ABCA8: variants seen among roughly 807,000 people sequenced by gnomAD.
The protein encoded by ABCA8 is ABC-type organic anion transporter ABCA8.
In ABCA8, 177 loss-of-function variants were observed where a neutral mutation model predicts 192.3. That is an observed-to-expected ratio of 0.92 (90% CI 0.81 to 1.04). ABCA8 has a LOEUF of 1.04. Among genes scored for constraint, ABCA8 ranks in the 50% least tolerant of loss-of-function variants. The probability of loss-of-function intolerance (pLI) is 0.00; values close to 1 mark genes in which losing one functional copy is unlikely to be tolerated. For synonymous variants in ABCA8, 642 were observed against 690.2 expected, an observed-to-expected ratio of 0.93 and a Z score of 1.09; for missense variants, 1,915 against 1,904.8, an observed-to-expected ratio of 1.01 and a Z score of -0.10.
intron 13 of ABCA8, chr17:68,919,705 C>G (rs980824466): frequency 2.5e-5 from 9 of 359,386 alleles, no homozygotes; most frequent in Non-Finnish European, 3.5e-5. Flanking sequence ...GCCTATATAC[C>G]CTGTAGTATC....
rs2067223644 is a variant in ABCA8 at position 68,911,383 on chromosome 17, T to C, written c.2139-3504A>G. ...AGGAGAGGGAAGAGTGGGAAGACTTTGTCTTCTGGTTTGGGTGTCAGCTCA... is the reference window on the plus strand; with the variant it reads ...AGGAGAGGGAAGAGTGGGAAGACTTCGTCTTCTGGTTTGGGTGTCAGCTCA... On this transcript the variant is annotated intron_variant, in intron 17 of 39. Coordinates refer to ENST00000586539, the MANE Select transcript of ABCA8 (RefSeq NM_001288985.2). The surrounding 1 kb of genome is among the most constrained non-coding windows in gnomAD (Gnocchi z 5.7). Among the ~76,000 whole-genome samples, 1 of 150,224 alleles carries C rather than the reference T, an allele frequency of 6.7e-6. No individual in the cohort carries two copies. The highest frequency in any genetic ancestry group is 2.5e-5 in the African/African-American group (1 of 40,020).
intron 19 of ABCA8, 107 bp from the exon 20 acceptor site, chr17:68,903,606 T>A: frequency 3.0e-6 from 3 of 1,014,978 alleles, no homozygotes; most frequent in Non-Finnish European, 2.9e-6. Context: ...ACTATAGGTA[T>A]AACGTGGTTT....
chr17:68,877,296 G>A (rs534294204), intron 33 of ABCA8: 1 of 389,666 alleles, frequency 2.6e-6, no homozygotes, highest in Admixed American at 4.4e-5. Context: ...TGGGGTTAGA[G>A]GCATGAGCCA....
chr17:68,880,784 A>G, intron 32 of ABCA8: 1 of 324,082 alleles, frequency 3.1e-6, no homozygotes. Flanking sequence ...CATTCTTGGC[A>G]GGCTTGGGAT....
intron 37 of ABCA8, among the ~76,000 whole-genome samples, chr17:68,874,670 A>G (rs2066153985): frequency 6.6e-6 from 1 of 151,974 alleles, no homozygotes. Flanking sequence ...CCTTGTTATC[A>G]TTTTTTTCAC....
Position 68,883,648 on chromosome 17 carries a change from C to T in ABCA8, c.3707+143G>A, listed in dbSNP as rs1046403221. On this transcript the variant is annotated intron_variant, in intron 29 of 39. Coordinates refer to ENST00000586539, the MANE Select transcript of ABCA8 (RefSeq NM_001288985.2). ...TCTTCTTGGGTTTAGGTATCTGGAT[C>T]TGTATTATTTGTATGGGCACATGGT... 6 of 575,066 alleles carry T rather than the reference C, an allele frequency of 1.0e-5. No homozygotes were observed. In the African/African-American group the frequency reaches 1.2e-4, roughly 11 times the overall value. The allele number at this position is 575,066 out of a possible 1,614,324, so 35.6% of individuals were successfully genotyped here. A position where few individuals can be genotyped will look rare whatever the true frequency, so the allele number is the denominator to read the frequency against.
chr17:68,921,382 C>T lies in ABCA8; in HGVS notation c.1612G>A (p.Gly538Ser). The change falls in exon 13 of 40, where the codon GGT becomes AGT. Residue 538 changes from glycine to serine, a missense_variant and splice_region_variant. By Grantham distance (56) the Gly-to-Ser change is moderately conservative. Transcript: ENST00000586539. ...AAAAAGAAAACAAACTAGTTTGTACCTTTGGTGGGAACAGACAACCCACTA... is the reference window on the plus strand; with the variant it reads ...AAAAAGAAAACAAACTAGTTTGTACTTTTGGTGGGAACAGACAACCCACTA... Reference protein sequence around the residue: ...ILSGLSVPTKGSVTIYNNKLS... With the variant: ...ILSGLSVPTKSSVTIYNNKLS... 6.3e-7 allele frequency: 1 copy of T among 1,599,862 alleles called. No homozygotes were observed. The highest frequency in any genetic ancestry group is 8.5e-7 in the Non-Finnish European group (1 of 1,172,412).
intron 4 of ABCA8, among the ~76,000 whole-genome samples, chr17:68,939,622 C>T (rs529723823): frequency 1.3e-5 from 2 of 152,148 alleles, no homozygotes; most frequent in African/African-American, 4.8e-5. Context: ...GAGAACCAAC[C>T]TGTGAATGAA....
intron 29 of ABCA8, 82 bp from the exon 30 acceptor site, chr17:68,882,801 G>A: frequency 1.5e-6 from 2 of 1,336,426 alleles, no homozygotes; most frequent in Non-Finnish European, 2.1e-6. Flanking sequence ...GCATATGTTT[G>A]AGTAGTACGA....
chr17:68,873,628 C>T (rs2066124294), intron 37 of ABCA8, among the ~76,000 whole-genome samples: 1 of 152,174 alleles, frequency 6.6e-6, no homozygotes, highest in Non-Finnish European at 1.5e-5. Flanking sequence ...ATTGCCAAGA[C>T]CAATGTCATG....
rs1271934223 is a variant in ABCA8, at chr17:68,884,542, GC to G, written c.3550-147del. 1.1e-5 allele frequency: 14 copies of G among 1,332,524 alleles called. No homozygotes were observed. The East Asian group carries it at 4.2e-4, about 40-fold the overall frequency. 82.5% of individuals were successfully genotyped at this position (1,332,524 alleles called of 1,614,324 possible). A position where few individuals can be genotyped will look rare whatever the true frequency, so the allele number is the denominator to read the frequency against. ...TCCTTTCTAAAGTGTATAGCAAGGG[GC>G]TGTCTTCCTTCCTCCCAAGGTCTAT... On this transcript the variant is annotated intron_variant, in intron 27 of 39. Coordinates refer to ENST00000586539, the MANE Select transcript of ABCA8 (RefSeq NM_001288985.2).
Position 68,932,325 on chromosome 17 carries a change from AG to A in ABCA8, c.759del (p.Leu254Ter), listed in dbSNP as rs200759406. 1 of 1,613,952 alleles carries A rather than the reference AG, an allele frequency of 6.2e-7. No individual in the cohort carries two copies. Among genetic ancestry groups the A allele is most frequent in the African/African-American group, 1.3e-5 (1 of 74,942 alleles). ...NVTRERKRMK[A>X]LMTMMGLRDS... is the part of the protein sequence containing the mutation. ...TCCCGAAGACCCATCATTGTCATCAAGGCCTTCATCCTTTTCCTCTCTCTTG... is the reference window on the plus strand; with the variant it reads ...TCCCGAAGACCCATCATTGTCATCAAGCCTTCATCCTTTTCCTCTCTCTTG... On this transcript the variant is annotated frameshift_variant, in exon 7 of 40. Transcript: ENST00000586539. LOFTEE classifies it high-confidence loss of function.
chr17:68,909,741 C>T (rs551488213), intron 17 of ABCA8, among the ~76,000 whole-genome samples: 3 of 152,098 alleles, frequency 2.0e-5, no homozygotes, highest in African/African-American at 7.2e-5. Context: ...AAAATATCTA[C>T]ATGAGATATT....
At chr17:68,942,839 T>C (rs1361863223) in intron 2 of ABCA8, among the ~76,000 whole-genome samples, 34 of 152,238 alleles carry the variant, frequency 2.2e-4, no homozygotes, top group Admixed American at 2.2e-3. Context: ...TCAATAGTTC[T>C]GTATATTAAA....
intron 19 of ABCA8, among the ~76,000 whole-genome samples, chr17:68,905,035 T>C (rs539746097): frequency 1.3e-5 from 2 of 152,342 alleles, no homozygotes; most frequent in East Asian, 3.9e-4. Flanking sequence ...AAAGACCTGA[T>C]TCTACCTTTA....
At position 68,877,661 on chromosome 17, in the gene ABCA8, C is replaced by T. The variant is rs371505100; in HGVS notation, c.4057G>A (p.Gly1353Ser). The T allele has an allele frequency of 9.4e-5, 151 of 1,611,634 alleles. No homozygotes were observed. The highest frequency in any genetic ancestry group is 1.1e-4 in the Non-Finnish European group (130 of 1,178,714). Residue 1353 changes from glycine (G) to serine (S), a missense_variant, in exon 33 of 40, where the codon GGT (glycine) becomes AGT (serine). Transcript: ENST00000586539. ...AGGAACTCCAGGGCATCCCCTCCAC[C>T]GCTCCCTTTCAGTAGCACCTGCAGA... Reference protein sequence around the residue: ...TAGQVLLKGSGGGDALEFLGY... With the variant: ...TAGQVLLKGSSGGDALEFLGY...
rs758642098 is a variant in ABCA8 at position 68,876,672 on chromosome 17, G to C, written c.4231C>G (p.Leu1411Val). Residue 1411 changes from leucine (L) to valine (V), a missense_variant, in exon 34 of 40, where the codon CTG becomes GTG. By Grantham distance (32) the Leu-to-Val change is conservative. Coordinates refer to ENST00000586539, the MANE Select transcript of ABCA8 (RefSeq NM_001288985.2). ...LVDALKLQDQ[L>V]KSPVKTLSEG... ...GACAAGGTCTTCACGGGAGACTTCA[G>C]CTGGTCCTGCAGCTTGAGCGCATCC... The C allele has an allele frequency of 5.6e-6, 9 of 1,614,062 alleles. No homozygotes were observed. Among genetic ancestry groups the C allele is most frequent in the African/African-American group, 1.3e-5 (1 of 74,932 alleles).
intron 3 of ABCA8, among the ~76,000 whole-genome samples, 169 bp from the exon 4 acceptor site, chr17:68,941,131 A>C (rs1454901973): frequency 6.6e-6 from 1 of 152,156 alleles, no homozygotes. Context: ...AGATAGTTCC[A>C]AGGCATTGCT....
At position 68,918,481 on chromosome 17, in the gene ABCA8, A is replaced by G. The variant is rs2067443689; in HGVS notation, c.1854T>C (p.Ser618=). The G allele has an allele frequency of 6.4e-7, 1 of 1,555,096 alleles. No individual in the cohort carries two copies. Among genetic ancestry groups the G allele is most frequent in the Non-Finnish European group, 8.7e-7 (1 of 1,155,710 alleles). Residue 618 remains serine, a synonymous_variant, in exon 15 of 40, where the codon AGT becomes AGC. Transcript: ENST00000586539. ...AGGTTAGCTTTCTTTTCTGTCCACC[A>G]CTTAAGTTTTGAGCAAGAACATCCT... ...NIQDVLAQNL[S]GGQKRKLTFG...
Sources: allele counts gnomAD v4.1 joint callset (sites outside exome capture counted in the v4.1 genomes callset), GRCh38; gene constraint gnomAD v4.1.1; non-coding constraint Gnocchi (gnomAD v3.1); transcripts MANE v1.5; gene names NCBI Gene and HGNC (gene_info 2026-07-23, HGNC 2026-07-21).